Variants in FREM1 observed in about 807,000 individuals in gnomAD.
The protein encoded by FREM1 is FRAS1 related extracellular matrix 1.
In FREM1, 220 loss-of-function variants were observed where a neutral mutation model predicts 210.1. That is an observed-to-expected ratio of 1.05 (90% CI 0.94 to 1.17). FREM1 has a LOEUF of 1.17. Among genes scored for constraint, FREM1 ranks in the 50% most tolerant of loss-of-function variants. The pLI, the probability that FREM1 is intolerant of heterozygous loss-of-function variation, is 0.00. For missense variants in FREM1, 3,454 were observed against 2,675.5 expected (o/e 1.29, Z -6.42); for synonymous variants, 1,189 against 980.2 (o/e 1.21, Z -3.98).
At chr9:14,793,285 A>T (rs191714780) in intron 21 of FREM1, among the ~76,000 whole-genome samples, 11 of 152,352 alleles carry the variant, frequency 7.2e-5, no homozygotes, top group African/African-American at 2.6e-4. Context: ...ACTCAATTAA[A>T]GAGATTCATT....
rs545930135 is a variant in FREM1, at chr9:14,853,397, T to C, written c.829-1790A>G. Among the ~76,000 whole-genome samples, 3 of 152,254 alleles carry C rather than the reference T, an allele frequency of 2.0e-5. No individual in the cohort carries two copies. The South Asian group carries it at 6.2e-4, about 32-fold the overall frequency. ...AAATGCTGGAGATAGAATCAAATCC[T>C]AGGAGCTGCAGGAGAAATTGCAAGT... On this transcript the variant is annotated intron_variant, in intron 5 of 36. Coordinates refer to ENST00000380880, the MANE Select transcript of FREM1 (RefSeq NM_001379081.2).
chr9:14,803,019 C>A (rs888403568), intron 19 of FREM1, among the ~76,000 whole-genome samples: 21 of 124,104 alleles, frequency 1.7e-4, no homozygotes, highest in East Asian at 1.5e-3. Flanking sequence ...CCCTCCCTTT[C>A]TTTCTTCTTT....
chr9:14,759,642 A>C lies in FREM1; in HGVS notation c.5334+130T>G, dbSNP rs546721066. The stretch of plus-strand genomic sequence containing the variant: ...AGGAGGTTTTGTGCTTAGAATCCTC[A>C]GAATAGTGGGATCTCCCTGCAATTT... On this transcript the variant is annotated intron_variant, in intron 28 of 36. Transcript: ENST00000380880. 1.3e-4 allele frequency: 98 copies of C among 761,492 alleles called. No individual in the cohort carries two copies. In the African/African-American group the frequency reaches 1.7e-3, roughly 13 times the overall value. 47.2% of individuals were successfully genotyped at this position (761,492 alleles called of 1,614,324 possible).
intron 1 of FREM1, among the ~76,000 whole-genome samples, chr9:14,892,932 A>C (rs1837106497): frequency 6.6e-6 from 1 of 152,194 alleles, no homozygotes; most frequent in Admixed American, 6.5e-5. Context: ...AGGTTGGATT[A>C]ACAATGGCAG....
intron 34 of FREM1, 60 bp from the exon 35 acceptor site, chr9:14,746,528 G>T: frequency 7.6e-7 from 1 of 1,318,790 alleles, no homozygotes; most frequent in Non-Finnish European, 1.1e-6. Flanking sequence ...AGTTGGTTCA[G>T]CATAAGGAGT....
At chr9:14,770,877 G>C in intron 25 of FREM1, 71 bp from the exon 26 acceptor site, 1 of 1,095,488 alleles carries the variant, frequency 9.1e-7, no homozygotes. Context: ...GGGCTTTATT[G>C]GTTCAACAAT....
intron 29 of FREM1, 28 bp from the exon 30 acceptor site, chr9:14,750,304 C>G (rs538490478): frequency 6.4e-7 from 1 of 1,555,580 alleles, no homozygotes; most frequent in Non-Finnish European, 8.8e-7. Context: ...TTTAATTACT[C>G]TTTAATTGCT....
At chr9:14,801,488 T>C (rs1817277861) in intron 20 of FREM1, among the ~76,000 whole-genome samples, 164 bp downstream of exon 20, 1 of 152,210 alleles carries the variant, frequency 6.6e-6, no homozygotes, top group Non-Finnish European at 1.5e-5. Context: ...CGAAATTTCA[T>C]ATCCTTTAAC....
rs549439188 is a variant in FREM1, at chr9:14,765,025, C to A, written c.5204+4699G>T. ...GGTTAAGTGAACCTTCATGAATTCT[C>A]ATTAAGTATTTTGAGCTTCTCAGCA... On this transcript the variant is annotated intron_variant, in intron 27 of 36. Coordinates refer to ENST00000380880, the MANE Select transcript of FREM1 (RefSeq NM_001379081.2). Among the ~76,000 whole-genome samples the A allele has an allele frequency of 1.2e-3, 183 of 152,264 alleles. 1 individual carries two copies. The highest frequency in any genetic ancestry group is 9.1e-3 in the South Asian group (44 of 4,820).
At chr9:14,892,740 T>A (rs1288104402) in intron 1 of FREM1, among the ~76,000 whole-genome samples, 1 of 152,192 alleles carries the variant, frequency 6.6e-6, no homozygotes, top group Non-Finnish European at 1.5e-5. Flanking sequence ...ACTGACAAGC[T>A]GCCGCCTGAA....
intron 1 of FREM1, among the ~76,000 whole-genome samples, chr9:14,869,944 T>C (rs1832281368): frequency 6.6e-6 from 1 of 152,258 alleles, no homozygotes; most frequent in Admixed American, 6.5e-5. Flanking sequence ...GCTAATTACA[T>C]TCCCATGTAC....
In FREM1 at chr9:14,773,019, T is replaced by A. The variant is rs542393476; in HGVS notation, c.4858-2213A>T. Reference sequence around the variant, plus strand: ...TGGTCACATTAAAATATATCCTAGATCTTATTCAACTTCTAGCTTTGTCAA... The same window carrying A: ...TGGTCACATTAAAATATATCCTAGAACTTATTCAACTTCTAGCTTTGTCAA... On this transcript the variant is annotated intron_variant, in intron 25 of 36. Transcript: ENST00000380880. Among the ~76,000 whole-genome samples, 3 of 152,316 alleles carry A rather than the reference T, an allele frequency of 2.0e-5. No homozygotes were observed. In the East Asian group the frequency reaches 5.8e-4, roughly 29 times the overall value.
chr9:14,849,463 T>A (rs1328709249), intron 6 of FREM1, among the ~76,000 whole-genome samples: 1 of 152,232 alleles, frequency 6.6e-6, no homozygotes, highest in African/African-American at 2.4e-5. Flanking sequence ...GCTGTGTATG[T>A]ATTGCACCAG....
At chr9:14,826,312 G>C (rs1014420895) in intron 10 of FREM1, among the ~76,000 whole-genome samples, 2 of 151,994 alleles carry the variant, frequency 1.3e-5, no homozygotes, top group African/African-American at 4.8e-5. Context: ...GTCTGGTCTC[G>C]AACTCCTGAC....
intron 11 of FREM1, 42 bp downstream of exon 11, chr9:14,824,754 C>G: frequency 1.4e-6 from 2 of 1,417,190 alleles, no homozygotes; most frequent in South Asian, 2.4e-5. Context: ...TTCAACTTTG[C>G]AATCCTAGAA....
chr9:14,875,600 C>T (rs917303282), intron 1 of FREM1, among the ~76,000 whole-genome samples: 1 of 152,178 alleles, frequency 6.6e-6, no homozygotes, highest in African/African-American at 2.4e-5. Context: ...AAGTTTTTAA[C>T]TTCTTTGCCT....
Position 14,861,014 on chromosome 9 carries a change from T to C in FREM1, c.330-1530A>G, listed in dbSNP as rs867066305. Among the ~76,000 whole-genome samples, 114 of 98,324 alleles carry C rather than the reference T, an allele frequency of 1.2e-3. 2 individuals carry two copies. Among genetic ancestry groups the C allele is most frequent in the African/African-American group, 5.4e-3 (105 of 19,398 alleles). The allele number at this position is 98,324 out of a possible 152,430, so 64.5% of individuals were successfully genotyped here. On this transcript the variant is annotated intron_variant, in intron 3 of 36. Transcript: ENST00000380880. Reference sequence around the variant, plus strand: ...ATACATATATATACACATATATACATATATACACATATATACATATATACA... The same window carrying C: ...ATACATATATATACACATATATACACATATACACATATATACATATATACA...
chr9:14,861,927 T>C (rs1312157716), intron 3 of FREM1, among the ~76,000 whole-genome samples: 2 of 152,252 alleles, frequency 1.3e-5, no homozygotes, highest in Non-Finnish European at 2.9e-5. Context: ...GTCTTACCCA[T>C]TCTAACTACT....
At chr9:14,843,505 AGGT>A (rs1826052234) in intron 8 of FREM1, among the ~76,000 whole-genome samples, 1 of 152,140 alleles carries the variant, frequency 6.6e-6, no homozygotes, top group Admixed American at 6.6e-5. Flanking sequence ...ATAGGTAGGT[AGGT>A]AGGTAGGTAG....
Sources: gnomAD v4.1 joint callset for allele counts (sites outside exome capture counted in the v4.1 genomes callset) on GRCh38, gnomAD v4.1.1 for gene constraint, MANE v1.5 for transcripts, NCBI Gene and HGNC (gene_info 2026-07-23, HGNC 2026-07-21) for gene names.